PELP1: variants seen among roughly 807,000 people sequenced by gnomAD.
The protein encoded by PELP1 is proline, glutamate and leucine rich protein 1, also known as proline-, glutamic acid- and leucine-rich protein 1.
Under a neutral mutation model 95.5 loss-of-function variants are expected in PELP1, and 32 were observed. The observed-to-expected ratio is 0.34, with a 90% CI of 0.25 to 0.45. The LOEUF (loss-of-function observed/expected upper bound fraction) is 0.45, where lower values mean the gene tolerates loss of function less well. Among genes scored for constraint, PELP1 ranks in the 20% least tolerant of loss-of-function variants. The pLI, the probability that PELP1 is intolerant of heterozygous loss-of-function variation, is 1.00. For missense variants in PELP1, 1,358 were observed against 1,444.8 expected (o/e 0.94, Z 0.97); for synonymous variants, 668 against 600.1 (o/e 1.11, Z -1.65).
chr17:4,699,606 A>G (rs1913438458), intron 1 of PELP1, among the ~76,000 whole-genome samples: 1 of 152,126 alleles, frequency 6.6e-6, no homozygotes, highest in Admixed American at 6.6e-5. Flanking sequence ...TTGTTTTTTG[A>G]GACAAAGTCT....
chr17:4,695,776 T>A (rs918669479), intron 1 of PELP1, among the ~76,000 whole-genome samples: 1 of 146,346 alleles, frequency 6.8e-6, no homozygotes, highest in Non-Finnish European at 1.5e-5. Flanking sequence ...GTTAGGAGTT[T>A]GAGAACAGCC....
Position 4,673,189 on chromosome 17 carries a change from G to A in PELP1, c.1846-44C>T. Reference sequence around the variant, plus strand: ...GCAAGTGTGAGCACCAGAAATACTGGGAGTCTCTTGGAAACAAGAGACTCC... The same window carrying A: ...GCAAGTGTGAGCACCAGAAATACTGAGAGTCTCTTGGAAACAAGAGACTCC... On this transcript the variant is annotated intron_variant, in intron 15 of 16. Transcript: ENST00000572293. The surrounding 1 kb of genome is among the most constrained non-coding windows in gnomAD (Gnocchi z 5.7). The A allele has an allele frequency of 6.6e-7, 1 of 1,520,320 alleles. No homozygotes were observed. The highest frequency in any genetic ancestry group is 8.8e-7 in the Non-Finnish European group (1 of 1,131,096). The allele number at this position is 1,520,320 out of a possible 1,614,324, so 94.2% of individuals were successfully genotyped here. A position where few individuals can be genotyped will look rare whatever the true frequency, so the allele number is the denominator to read the frequency against.
intron 1 of PELP1, among the ~76,000 whole-genome samples, chr17:4,699,897 ATTTTTTTT>A (rs34806511): frequency 0.017 from 1,471 of 86,760 alleles, 42 homozygotes; most frequent in African/African-American, 0.063. Flanking sequence ...CTAGAGGGTG[ATTTTTTTT>A]TTTTTTTTTT....
At chr17:4,689,951 G>A (rs765391650) in intron 3 of PELP1, among the ~76,000 whole-genome samples, 22 of 152,000 alleles carry the variant, frequency 1.4e-4, no homozygotes, top group African/African-American at 4.4e-4. Context: ...GCTTGAACCC[G>A]GGAGGCAGAG....
intron 3 of PELP1, among the ~76,000 whole-genome samples, chr17:4,688,929 A>C (rs1357344843): frequency 1.3e-5 from 2 of 152,234 alleles, no homozygotes; most frequent in African/African-American, 2.4e-5. Flanking sequence ...GGCGCATCAC[A>C]TTACCTGACT....
Position 4,674,838 on chromosome 17 carries a change from C to T in PELP1, c.1393G>A (p.Asp465Asn), listed in dbSNP as rs1173687204. The change falls in exon 12 of 17, where the codon GAC becomes AAC. Residue 465 changes from aspartate to asparagine, a missense_variant. This residue lies in a region of PELP1 where 538 missense variants were observed against 628.1 expected (regional missense o/e 0.86). Transcript: ENST00000572293. ...GEALLTHLLS[D>N]ISPPADALKL... ...AGGGCATCAGCTGGCGGGGAGATGT[C>T]GCTGAGCAGGTGGGTGAGCAGGGCC... 1 of 1,612,932 alleles carries T rather than the reference C, an allele frequency of 6.2e-7. No individual in the cohort carries two copies. The highest frequency in any genetic ancestry group is 8.5e-7 in the Non-Finnish European group (1 of 1,179,464).
intron 1 of PELP1, among the ~76,000 whole-genome samples, chr17:4,702,859 G>A (rs1021768906): frequency 2.0e-5 from 3 of 152,232 alleles, no homozygotes; most frequent in African/African-American, 4.8e-5. Flanking sequence ...AGCTATTATG[G>A]GCTAGAAATA....
At chr17:4,680,145 C>T (rs1405281235) in intron 5 of PELP1, among the ~76,000 whole-genome samples, 2 of 152,214 alleles carry the variant, frequency 1.3e-5, no homozygotes, top group Non-Finnish European at 2.9e-5. Context: ...AGAATAATTA[C>T]AATGATAAAA....
rs1379596432 is a variant in PELP1, at chr17:4,682,983, A to T, written c.421-31T>A. 4.2e-6 allele frequency: 6 copies of T among 1,444,348 alleles called. No individual in the cohort carries two copies. The Admixed American group carries it at 1.7e-4, about 42-fold the overall frequency. 89.5% of individuals were successfully genotyped at this position (1,444,348 alleles called of 1,614,324 possible). ...GAAAAAAATAATGTCTCGTGCTTCC[A>T]GCCTCACCTTGATTGTCACCAAAGA... On this transcript the variant is annotated intron_variant, in intron 3 of 16. Transcript: ENST00000572293.
chr17:4,695,667 TAAAAAAAA>T (rs71147081), intron 1 of PELP1, among the ~76,000 whole-genome samples: 7 of 62,588 alleles, frequency 1.1e-4, no homozygotes, highest in East Asian at 5.7e-4. Flanking sequence ...CCCTCTCTCT[TAAAAAAAA>T]AAAAAAAAAA....
chr17:4,677,592 CGTT>C (rs1567662409), intron 5 of PELP1, among the ~76,000 whole-genome samples: 1 of 152,104 alleles, frequency 6.6e-6, no homozygotes, highest in East Asian at 1.9e-4. Context: ...CAATTATAGT[CGTT>C]GTAAGACCTG....
Position 4,674,575 on chromosome 17 carries a change from G to A in PELP1, c.1517C>T (p.Ala506Val), listed in dbSNP as rs376207859. Residue 506 changes from alanine to valine, a missense_variant, in exon 13 of 17, where the codon GCC (alanine) becomes GTC (valine). By Grantham distance (64) the Ala-to-Val change is moderately conservative. Around this residue, in one of 7 missense-constraint regions of PELP1, gnomAD observed 538 missense variants for 628.1 expected, o/e 0.86. Transcript: ENST00000572293. The part of the protein sequence containing the change: ...KLKLDVGEAM[A>V]PPSHRKGDSN... ...ATCCCCTTTCCGGTGGCTTGGCGGG[G>A]CCATAGCTTCCCCCACATCCAGCTT... is the stretch of plus-strand genomic sequence containing the variant. The A allele has an allele frequency of 1.8e-5, 29 of 1,612,004 alleles. No individual in the cohort carries two copies. The highest frequency in any genetic ancestry group is 2.4e-5 in the Non-Finnish European group (28 of 1,179,286).
At chr17:4,702,924 G>C (rs986491126) in intron 1 of PELP1, among the ~76,000 whole-genome samples, 5 of 152,148 alleles carry the variant, frequency 3.3e-5, no homozygotes, top group African/African-American at 1.2e-4. Context: ...GTTCAAGCTA[G>C]AATGGGAGCA....
At chr17:4,695,435 C>G (rs966792972) in intron 1 of PELP1, among the ~76,000 whole-genome samples, 7 of 151,966 alleles carry the variant, frequency 4.6e-5, no homozygotes, top group Admixed American at 2.0e-4. Context: ...GAAACCAAGG[C>G]AGGCGAATCA....
intron 1 of PELP1, among the ~76,000 whole-genome samples, chr17:4,699,045 G>A (rs183202631): frequency 7.2e-4 from 110 of 152,212 alleles, no homozygotes; most frequent in African/African-American, 2.4e-3. Flanking sequence ...GATAGTTTAG[G>A]AGATCTGTCA....
chr17:4,704,074 G>T lies in PELP1; in HGVS notation c.38C>A (p.Ser13Tyr). Reference sequence around the variant, plus strand: ...GGTCCCGCCAGGAACCCCAGCCGCGGAGCCCGCAGAGGGCCCACTCAGAAC... The same window carrying T: ...GGTCCCGCCAGGAACCCCAGCCGCGTAGCCCGCAGAGGGCCCACTCAGAAC... ...AAVLSGPSAGSAAGVPGGTGG... is the reference protein window; with the variant it reads ...AAVLSGPSAGYAAGVPGGTGG... Residue 13 changes from serine to tyrosine, a missense_variant, in exon 1 of 17, where the codon TCC becomes TAC. Physicochemically the swap from Ser to Tyr is moderately radical, Grantham distance 144 (BLOSUM62 -2). This residue lies in a region of PELP1 where 169 missense variants were observed against 134.9 expected (regional missense o/e 1.25). Coordinates refer to ENST00000572293, the MANE Select transcript of PELP1 (RefSeq NM_014389.3). 2 of 1,611,402 alleles carry T rather than the reference G, an allele frequency of 1.2e-6. No individual in the cohort carries two copies. The highest frequency in any genetic ancestry group is 8.5e-7 in the Non-Finnish European group (1 of 1,179,420).
At chr17:4,694,035 A>G (rs1913203988) in intron 1 of PELP1, among the ~76,000 whole-genome samples, 1 of 152,200 alleles carries the variant, frequency 6.6e-6, no homozygotes, top group Non-Finnish European at 1.5e-5. Flanking sequence ...CAACACAGCA[A>G]AACAGAAAAG....
At chr17:4,681,098 G>A (rs184966165) in intron 5 of PELP1, among the ~76,000 whole-genome samples, 46 of 152,282 alleles carry the variant, frequency 3.0e-4, no homozygotes, top group Non-Finnish European at 1.6e-4. Flanking sequence ...AGTTTAAACA[G>A]GAATATACAC....
At chr17:4,695,347 A>G (rs1597457247) in intron 1 of PELP1, among the ~76,000 whole-genome samples, 2 of 152,178 alleles carry the variant, frequency 1.3e-5, no homozygotes, top group South Asian at 2.1e-4. Context: ...TAAAATGGCT[A>G]AATTGTATGG....
Sources: gnomAD v4.1 joint callset for allele counts (sites outside exome capture counted in the v4.1 genomes callset) on GRCh38, gnomAD v4.1.1 for gene constraint, gnomAD v4.1.1 regional missense constraint, Gnocchi (gnomAD v3.1) non-coding constraint, MANE v1.5 for transcripts, NCBI Gene and HGNC (gene_info 2026-07-23, HGNC 2026-07-21) for gene names.